Variants in SLC25A20 observed in about 807,000 individuals in gnomAD.
SLC25A20 encodes solute carrier family 25 member 20.
SLC25A20 carries 29 observed loss-of-function variants against 39.7 expected under a neutral mutation model. The observed-to-expected ratio is 0.73, with a 90% CI of 0.54 to 1.00. The LOEUF is 1.00. Ranked by LOEUF, SLC25A20 falls within the 50% of genes least tolerant of loss-of-function variation. SLC25A20 has a pLI of 0.00. For missense variants in SLC25A20, 333 were observed against 379.9 expected, an observed-to-expected ratio of 0.88 and a Z score of 1.03; for synonymous variants, 103 against 142.2, an observed-to-expected ratio of 0.72 and a Z score of 1.96.
chr3:48,867,411 A>ATTTTTTTTTTTTTTTTTTTTTTTTTTT (rs58122933), intron 4 of SLC25A20, among the ~76,000 whole-genome samples: 1 of 108,386 alleles, frequency 9.2e-6, no homozygotes, highest in Non-Finnish European at 1.8e-5. Context: ...TGCCTGGGTA[A>ATTTTTTTTTTTTTTTTTTTTTTTTTTT]TTTTTTTTTT....
At chr3:48,882,747 A>C (rs1575988775) in intron 3 of SLC25A20, among the ~76,000 whole-genome samples, 1 of 152,130 alleles carries the variant, frequency 6.6e-6, no homozygotes, top group East Asian at 1.9e-4. Context: ...AAATTAGCCC[A>C]GAGTGATGGT....
chr3:48,886,135 T>C (rs1028867286), intron 2 of SLC25A20, among the ~76,000 whole-genome samples: 2 of 152,072 alleles, frequency 1.3e-5, no homozygotes, highest in Non-Finnish European at 2.9e-5. Context: ...ATCATATGGA[T>C]GGGCAGGGCA....
At chr3:48,884,179 C>T in intron 2 of SLC25A20, 55 bp from the exon 3 acceptor site, 1 of 1,609,130 alleles carries the variant, frequency 6.2e-7, no homozygotes, top group South Asian at 1.1e-5. Flanking sequence ...CCTTTTAAAT[C>T]ACTGAAAGAG....
chr3:48,858,944 T>A, intron 7 of SLC25A20, 148 bp downstream of exon 7: 1 of 719,250 alleles, frequency 1.4e-6, no homozygotes, highest in Non-Finnish European at 2.5e-6. Context: ...AGAATGCAAA[T>A]GACTGTGAGG....
At chr3:48,866,329 G>A (rs1471481244) in intron 4 of SLC25A20, among the ~76,000 whole-genome samples, 2 of 151,942 alleles carry the variant, frequency 1.3e-5, no homozygotes, top group Non-Finnish European at 2.9e-5. Flanking sequence ...CAAGGTGGGT[G>A]GATCACCTTA....
chr3:48,862,745 C>T, intron 4 of SLC25A20, 86 bp from the exon 5 acceptor site: 1 of 845,546 alleles, frequency 1.2e-6, no homozygotes, highest in East Asian at 2.4e-5. Context: ...TAAGTATGGC[C>T]ATTATGTGTT....
chr3:48,858,752 T>G (rs2083600057), intron 7 of SLC25A20, 121 bp from the exon 8 acceptor site: 4 of 1,192,008 alleles, frequency 3.4e-6, no homozygotes. Context: ...GACCAGTCCA[T>G]AGACAACAGT....
rs1044481006 is a variant in SLC25A20, at chr3:48,891,991, G to C, written c.187C>G (p.Leu63Val). The C allele has an allele frequency of 8.1e-6, 13 of 1,613,296 alleles. No individual in the cohort carries two copies. Among genetic ancestry groups the C allele is most frequent in the Non-Finnish European group, 1.1e-5 (13 of 1,179,446 alleles). ...SGTFDCFRKT[L>V]FREGITGLYR... ...CACCATATACCAACCTCTCTAAAAA[G>C]AGTCTTCCGGAAACAGTCAAAGGTC... is the stretch of plus-strand genomic sequence containing the variant. Residue 63 changes from leucine to valine, a missense_variant, in exon 2 of 9, where the codon CTT becomes GTT. By Grantham distance (32) the Leu-to-Val change is conservative. Transcript: ENST00000319017.
chr3:48,875,010 C>G (rs369011977), intron 4 of SLC25A20, among the ~76,000 whole-genome samples: 1 of 141,306 alleles, frequency 7.1e-6, no homozygotes, highest in African/African-American at 2.6e-5. Flanking sequence ...TGCAGTGAAC[C>G]AAGATCGTGC....
chr3:48,897,363 ATATATTT>A (rs1559673727), intron 1 of SLC25A20, among the ~76,000 whole-genome samples: 1 of 108,204 alleles, frequency 9.2e-6, no homozygotes, highest in Non-Finnish European at 1.9e-5. Flanking sequence ...ATATATATAT[ATATATTT>A]TTTTTTTTTT....
chr3:48,879,353 C>A lies in SLC25A20; in HGVS notation c.417+5G>T. 1 of 1,599,268 alleles carries A rather than the reference C, an allele frequency of 6.3e-7. No homozygotes were observed. The highest frequency in any genetic ancestry group is 8.6e-7 in the Non-Finnish European group (1 of 1,166,488). ...AAGCTATTTCCCCTCCAATCACAAC[C>A]TTACCTGTAATAAGCACTTGATCCG... On this transcript the variant is annotated splice_donor_5th_base_variant and intron_variant, in intron 4 of 8. Coordinates refer to ENST00000319017, the MANE Select transcript of SLC25A20 (RefSeq NM_000387.6).
At chr3:48,870,869 A>G (rs974345412) in intron 4 of SLC25A20, among the ~76,000 whole-genome samples, 1 of 141,250 alleles carries the variant, frequency 7.1e-6, no homozygotes, top group Admixed American at 7.6e-5. Context: ...TCCAGGCCGG[A>G]GTGCAGTAGT....
chr3:48,891,728 G>A lies in SLC25A20; in HGVS notation c.198+252C>T, dbSNP rs566726735. Among the ~76,000 whole-genome samples, 16 of 152,112 alleles carry A rather than the reference G, an allele frequency of 1.1e-4. No individual in the cohort carries two copies. The East Asian group carries it at 1.5e-3, about 15-fold the overall frequency. On this transcript the variant is annotated intron_variant, in intron 2 of 8. Coordinates refer to ENST00000319017, the MANE Select transcript of SLC25A20 (RefSeq NM_000387.6). ...AATTATTACTCACTAGTTCTCCGTC[G>A]TCTAAATTCCATCTTCCAAAAGAGA...
chr3:48,871,036 G>T (rs1400069500), intron 4 of SLC25A20, among the ~76,000 whole-genome samples: 1 of 151,908 alleles, frequency 6.6e-6, no homozygotes, highest in African/African-American at 2.4e-5. Context: ...ATATTGGCCA[G>T]GCTGGTCTCA....
chr3:48,886,362 T>C (rs1029225496), intron 2 of SLC25A20, among the ~76,000 whole-genome samples: 2 of 151,742 alleles, frequency 1.3e-5, no homozygotes, highest in African/African-American at 2.4e-5. Context: ...CTGTTTCTAC[T>C]AAAAATACAA....
chr3:48,890,009 T>G (rs968931361), intron 2 of SLC25A20, among the ~76,000 whole-genome samples: 1 of 152,156 alleles, frequency 6.6e-6, no homozygotes, highest in Non-Finnish European at 1.5e-5. Flanking sequence ...AGGCACCCGT[T>G]ACTTAGCAGA....
intron 4 of SLC25A20, among the ~76,000 whole-genome samples, chr3:48,866,948 C>T (rs907404339): frequency 5.9e-5 from 9 of 151,848 alleles, no homozygotes. Flanking sequence ...CACCTGCCAC[C>T]ATGCCTGGCT....
chr3:48,874,074 C>T (rs2083737563), intron 4 of SLC25A20, among the ~76,000 whole-genome samples: 1 of 151,440 alleles, frequency 6.6e-6, no homozygotes, highest in South Asian at 2.1e-4. Context: ...GGTGAATCAC[C>T]TGAGGTCAGG....
At chr3:48,895,209 C>T (rs1003358161) in intron 1 of SLC25A20, among the ~76,000 whole-genome samples, 7 of 152,186 alleles carry the variant, frequency 4.6e-5, no homozygotes, top group Admixed American at 1.3e-4. Flanking sequence ...GATTTCTCCA[C>T]GTTGCTCAGG....
Sources: allele counts gnomAD v4.1 joint callset (sites outside exome capture counted in the v4.1 genomes callset), GRCh38; gene constraint gnomAD v4.1.1; transcripts MANE v1.5; gene names NCBI Gene and HGNC (gene_info 2026-07-23, HGNC 2026-07-21).